ERC1: variants seen among roughly 807,000 people sequenced by gnomAD.
ERC1 encodes the protein RAB6 interacting protein 2.
Under a neutral mutation model 132.0 loss-of-function variants are expected in ERC1, and 56 were observed. The observed-to-expected ratio is 0.42, with a 90% CI of 0.34 to 0.53. The LOEUF is 0.53. Among genes scored for constraint, ERC1 ranks in the 20% least tolerant of loss-of-function variants. The pLI is 0.03. For missense variants in ERC1, 1,202 were observed against 1,349.9 expected (o/e 0.89, Z 1.72); for synonymous variants, 478 against 476.1 (o/e 1.00, Z -0.05).
intron 1 of ERC1, among the ~76,000 whole-genome samples, chr12:999,228 C>A (rs576015606): frequency 6.6e-6 from 1 of 152,092 alleles, no homozygotes; most frequent in Non-Finnish European, 1.5e-5. Flanking sequence ...GCTTTCTCAT[C>A]GCTTTCTATT....
chr12:1,180,433 C>G (rs947373057), intron 8 of ERC1, 107 bp from the exon 9 acceptor site: 1 of 981,542 alleles, frequency 1.0e-6, no homozygotes, highest in Non-Finnish European at 1.5e-6. Flanking sequence ...AATGCACACA[C>G]ACAGACAACC....
At chr12:1,383,666 T>G (rs1399885607) in intron 16 of ERC1, among the ~76,000 whole-genome samples, 2 of 152,170 alleles carry the variant, frequency 1.3e-5, no homozygotes, top group Non-Finnish European at 2.9e-5. Flanking sequence ...TGGAATTAAA[T>G]GATATTTGCA....
At chr12:1,083,042 G>A (rs1462255928) in intron 2 of ERC1, 122 bp from the exon 3 acceptor site, 2 of 782,836 alleles carry the variant, frequency 2.6e-6, no homozygotes. Flanking sequence ...AACAGAATAA[G>A]GTGAATCCTA....
chr12:1,189,836 G>C (rs1162814259), intron 11 of ERC1, 23 bp from the exon 12 acceptor site: 11 of 1,574,436 alleles, frequency 7.0e-6, no homozygotes, highest in Non-Finnish European at 9.5e-6. Context: ...TATCTGATAG[G>C]ATTGAAATGC....
intron 2 of ERC1, among the ~76,000 whole-genome samples, chr12:1,058,789 GTTTT>G: frequency 7.7e-6 from 1 of 129,858 alleles, no homozygotes; most frequent in East Asian, 2.2e-4. Flanking sequence ...TGGAAAGTAT[GTTTT>G]TTTTTTTTTT....
At position 1,257,992 on chromosome 12, in the gene ERC1, C is replaced by T. The variant is rs115840575; in HGVS notation, c.2488-5042C>T. 1.6e-3 allele frequency among the ~76,000 whole-genome samples: 237 copies of T among 152,162 alleles called. 1 individual carries two copies. Among genetic ancestry groups the T allele is most frequent in the Admixed American group, 4.6e-3 (70 of 15,290 alleles). On this transcript the variant is annotated intron_variant, in intron 13 of 18. Coordinates refer to ENST00000360905, the MANE Select transcript of ERC1 (RefSeq NM_178040.4). Reference sequence around the variant, plus strand: ...ATAGCACATCTCAGTTTGGACTAGCCACGTTTAATCACCCAGTAGCTAGTT... The same window carrying T: ...ATAGCACATCTCAGTTTGGACTAGCTACGTTTAATCACCCAGTAGCTAGTT...
At chr12:1,230,005 T>C in intron 12 of ERC1, among the ~76,000 whole-genome samples, 1 of 47,054 alleles carries the variant, frequency 2.1e-5, no homozygotes, top group East Asian at 3.4e-4. Context: ...TTTTTGACTC[T>C]TTTTTTTTTT....
chr12:1,029,786 C>T (rs1047624117), intron 2 of ERC1, among the ~76,000 whole-genome samples: 2 of 123,060 alleles, frequency 1.6e-5, no homozygotes, highest in Non-Finnish European at 3.2e-5. Flanking sequence ...CTTGCTCTGT[C>T]TCCCAGGCTG....
At chr12:1,478,663 A>G (rs10848477) in intron 18 of ERC1, among the ~76,000 whole-genome samples, 67,824 of 151,896 alleles carry the variant, frequency 0.45, 17,538 homozygotes, top group African/African-American at 0.72. Context: ...CGTGGTGGCG[A>G]GCGCCTGTAG....
At chr12:1,364,473 G>A (rs970488096) in intron 15 of ERC1, among the ~76,000 whole-genome samples, 2 of 152,212 alleles carry the variant, frequency 1.3e-5, no homozygotes, top group African/African-American at 2.4e-5. Context: ...TTATTCCTTA[G>A]GCCACCATTC....
intron 18 of ERC1, among the ~76,000 whole-genome samples, chr12:1,476,287 G>C (rs987726851): frequency 6.6e-6 from 1 of 151,622 alleles, no homozygotes; most frequent in African/African-American, 2.4e-5. Flanking sequence ...CAGGCGTGGT[G>C]GCACTCTCCT....
intron 1 of ERC1, among the ~76,000 whole-genome samples, chr12:1,016,930 C>T (rs1057170441): frequency 1.3e-5 from 2 of 152,000 alleles, no homozygotes; most frequent in African/African-American, 2.4e-5. Context: ...GGATTATAGG[C>T]GTGAGCCACC....
rs367840242 is a variant in ERC1, at chr12:1,429,214, A to G, written c.3025-15348A>G. ...AGGGATTTGGCAAGCCTAGAAAGGTATTAGATTGTCTGTGTCTTCATGTGA... is the reference window on the plus strand; with the variant it reads ...AGGGATTTGGCAAGCCTAGAAAGGTGTTAGATTGTCTGTGTCTTCATGTGA... On this transcript the variant is annotated intron_variant, in intron 17 of 18. Transcript: ENST00000360905. 4.8e-4 allele frequency among the ~76,000 whole-genome samples: 73 copies of G among 152,320 alleles called. 3 individuals are homozygous for G. In the South Asian group the frequency reaches 0.014, roughly 29 times the overall value.
intron 1 of ERC1, among the ~76,000 whole-genome samples, chr12:1,011,823 T>C (rs922583152): frequency 6.6e-6 from 1 of 152,058 alleles, no homozygotes; most frequent in African/African-American, 2.4e-5. Context: ...TGCAAATGCC[T>C]GTAGTCCCAG....
At chr12:1,214,727 G>A (rs1275187216) in intron 12 of ERC1, among the ~76,000 whole-genome samples, 2 of 151,300 alleles carry the variant, frequency 1.3e-5, no homozygotes, top group African/African-American at 2.4e-5. Flanking sequence ...GGAGAAAAAG[G>A]ATATGTTAGT....
rs534568938 is a variant in ERC1, at chr12:1,419,010, G to A, written c.3024+10763G>A. Among the ~76,000 whole-genome samples, 14 of 152,012 alleles carry A rather than the reference G, an allele frequency of 9.2e-5. No individual in the cohort carries two copies. The South Asian group carries it at 1.0e-3, about 11-fold the overall frequency. ...ATTACAGGCCTGAGCCACAGAGACC[G>A]GCTGAGGTCTTCGTTTCTGAAGGCT... On this transcript the variant is annotated intron_variant, in intron 17 of 18. Coordinates refer to ENST00000360905, the MANE Select transcript of ERC1 (RefSeq NM_178040.4).
At chr12:1,316,672 T>A (rs1164325527) in intron 15 of ERC1, among the ~76,000 whole-genome samples, 1 of 152,220 alleles carries the variant, frequency 6.6e-6, no homozygotes. Flanking sequence ...GAAGACACTG[T>A]GGCGATTCCT....
chr12:1,479,780 G>A (rs2094049185), intron 18 of ERC1, among the ~76,000 whole-genome samples: 1 of 152,134 alleles, frequency 6.6e-6, no homozygotes, highest in Admixed American at 6.5e-5. Context: ...TGAGGCGTGT[G>A]GAACCCTGCT....
intron 15 of ERC1, among the ~76,000 whole-genome samples, chr12:1,356,221 TG>T (rs1566666230): frequency 8.9e-5 from 12 of 134,280 alleles, no homozygotes; most frequent in African/African-American, 3.3e-4. Flanking sequence ...AAAGTGTGTG[TG>T]TGTGTGTGTG....
Sources: allele counts gnomAD v4.1 joint callset (sites outside exome capture counted in the v4.1 genomes callset), GRCh38; gene constraint gnomAD v4.1.1; transcripts MANE v1.5; gene names NCBI Gene and HGNC (gene_info 2026-07-23, HGNC 2026-07-21).